HACL2: variants seen among roughly 807,000 people sequenced by gnomAD.
The protein encoded by HACL2 is 2-hydroxyacyl-CoA lyase 2, also known as 2-hydroxyacyl-CoA lyase 1 like.
At chr19:15,119,306 G>A in the HACL2 span, 3 of 1,603,366 alleles carry the variant, frequency 1.9e-6, no homozygotes, top group Non-Finnish European at 2.6e-6. Flanking sequence ...GGCAGCCCTG[G>A]GAGTCCAGGC....
the HACL2 span, chr19:15,116,727 A>G: frequency 1.7e-6 from 1 of 576,334 alleles, no homozygotes; most frequent in Admixed American, 3.2e-5. Context: ...AAAAGGGAAG[A>G]CAAGGCCCAA....
chr19:15,119,371 C>T, the HACL2 span: 3 of 1,612,138 alleles, frequency 1.9e-6, no homozygotes, highest in Non-Finnish European at 2.5e-6. Flanking sequence ...CACCCGAGGA[C>T]TGGGGACTGG....
the HACL2 span, chr19:15,115,707 AG>A: frequency 1.3e-6 from 2 of 1,598,548 alleles, no homozygotes; most frequent in Non-Finnish European, 1.7e-6. Flanking sequence ...CGCAGCCTTC[AG>A]CCCCATGGCT....
the HACL2 span, chr19:15,117,180 A>G: frequency 2.0e-5 from 3 of 153,554 alleles, no homozygotes; most frequent in Admixed American, 6.5e-5. Flanking sequence ...AGGGGAGTCA[A>G]CATCCTCAGA....
the HACL2 span, chr19:15,124,833 C>A: frequency 1.3e-6 from 2 of 1,500,710 alleles, no homozygotes; most frequent in Middle Eastern, 2.4e-4. Flanking sequence ...GCTCGCTTTC[C>A]CACCCTGCAC....
chr19:15,121,900 T>C, the HACL2 span, among the ~76,000 whole-genome samples: 1 of 132,836 alleles, frequency 7.5e-6, no homozygotes, highest in Admixed American at 7.3e-5. Flanking sequence ...GCTCTGCCAC[T>C]TTTTTTTTTT....
At chr19:15,125,568 A>C in the HACL2 span, 1 of 155,978 alleles carries the variant, frequency 6.4e-6, no homozygotes, top group East Asian at 1.9e-4. Context: ...CCCGAGCCTG[A>C]TCCCCGACCC....
the HACL2 span, chr19:15,125,390 A>C: frequency 7.0e-6 from 2 of 285,222 alleles, no homozygotes; most frequent in Non-Finnish European, 1.3e-5. Context: ...CTACTTGTCA[A>C]TGGACAGGCG....
At chr19:15,122,576 TC>T in the HACL2 span, 1 of 823,454 alleles carries the variant, frequency 1.2e-6, no homozygotes, top group Non-Finnish European at 2.0e-6. This position sits in a 1 kb window ranked among gnomAD's most constrained non-coding sequence, Gnocchi z 4.0. Flanking sequence ...TGGAATGCTC[TC>T]CCCCCAGCTG....
the HACL2 span, chr19:15,124,558 T>G: frequency 3.6e-6 from 1 of 278,380 alleles, no homozygotes; most frequent in Non-Finnish European, 6.8e-6. Flanking sequence ...AGGGCAACTG[T>G]TATGAAACTG....
the HACL2 span, chr19:15,124,929 T>TGCAGC: frequency 8.7e-6 from 14 of 1,605,832 alleles, no homozygotes; most frequent in Middle Eastern, 7.4e-4. Context: ...CCGCACCTTG[T>TGCAGC]GCAGCAGCTG....
the HACL2 span, among the ~76,000 whole-genome samples, chr19:15,118,881 T>A: frequency 6.6e-6 from 1 of 152,184 alleles, no homozygotes; most frequent in African/African-American, 2.4e-5. Flanking sequence ...AAGTGCAGAC[T>A]CATGAATGAG....
chr19:15,115,873 A>T, the HACL2 span: 1 of 1,614,050 alleles, frequency 6.2e-7, no homozygotes. Flanking sequence ...AATGTATCAA[A>T]TTCGATGAGG....
At chr19:15,120,423 C>T in the HACL2 span, among the ~76,000 whole-genome samples, 1 of 152,228 alleles carries the variant, frequency 6.6e-6, no homozygotes, top group East Asian at 1.9e-4. Flanking sequence ...CAAGTGACTT[C>T]ACCCTTCTGA....
the HACL2 span, chr19:15,124,793 C>T: frequency 8.1e-7 from 1 of 1,236,868 alleles, no homozygotes; most frequent in South Asian, 1.5e-5. Context: ...CTGGACAGAA[C>T]CTCTTACCAG....
chr19:15,119,971 A>G, the HACL2 span: 1 of 1,537,628 alleles, frequency 6.5e-7, no homozygotes, highest in Non-Finnish European at 8.8e-7. Flanking sequence ...CACAAAAGAG[A>G]GGCAATTCAC....
the HACL2 span, chr19:15,124,733 A>T: frequency 1.4e-6 from 1 of 720,252 alleles, no homozygotes; most frequent in South Asian, 2.0e-5. Context: ...CTCTCTTACC[A>T]GTGGCAAAGT....
At chr19:15,115,709 C>A in the HACL2 span, 1 of 1,595,846 alleles carries the variant, frequency 6.3e-7, no homozygotes, top group Admixed American at 1.7e-5. Context: ...CAGCCTTCAG[C>A]CCCATGGCTT....
the HACL2 span, chr19:15,116,565 C>A: frequency 2.1e-5 from 32 of 1,511,890 alleles, no homozygotes; most frequent in Non-Finnish European, 2.8e-5. Flanking sequence ...CTGGCTTCCT[C>A]CTGTTCTTCC....
Sources: gnomAD v4.1 joint callset for allele counts (sites outside exome capture counted in the v4.1 genomes callset) on GRCh38, gnomAD v4.1.1 for gene constraint, Gnocchi (gnomAD v3.1) non-coding constraint, MANE v1.5 for transcripts, NCBI Gene and HGNC (gene_info 2026-07-23, HGNC 2026-07-21) for gene names.